The following ZNF608 variants were observed in gnomAD, a reference collection of about 807,000 sequenced individuals.
ZNF608 encodes the protein zinc finger protein 608, also known as renal carcinoma antigen NY-REN-36.
ZNF608 carries 12 observed loss-of-function variants against 109.0 expected under a neutral mutation model. That is an observed-to-expected ratio of 0.11 (90% CI 0.07 to 0.18). The LOEUF is 0.18. Ranked by LOEUF, ZNF608 falls within the 10% of genes least tolerant of loss-of-function variation. ZNF608 has a pLI of 1.00. For synonymous variants in ZNF608, 732 were observed against 717.4 expected (o/e 1.02, Z -0.33); for missense variants, 1,707 against 1,879.3 (o/e 0.91, Z 1.70).
chr5:124,655,714 T>C (rs1339580237), intron 3 of ZNF608, among the ~76,000 whole-genome samples: 2 of 152,210 alleles, frequency 1.3e-5, no homozygotes, highest in African/African-American at 2.4e-5. Flanking sequence ...CAAGGTATGA[T>C]TTATCACCAT....
At position 124,641,227 on chromosome 5, in the gene ZNF608, A is replaced by G. The variant is rs1750219997; in HGVS notation, c.4450+25T>C. 4 of 1,613,150 alleles carry G rather than the reference A, an allele frequency of 2.5e-6. No individual in the cohort carries two copies. The East Asian group carries it at 6.7e-5, about 27-fold the overall frequency. On this transcript the variant is annotated intron_variant, in intron 8 of 9. Coordinates refer to ENST00000513986, the MANE Select transcript of ZNF608 (RefSeq NM_020747.3). ...GTTTTCCAAAGCAGAATGGACAAAGACACAGTAATGATAGAGCTGCTGACC... is the reference window on the plus strand; with the variant it reads ...GTTTTCCAAAGCAGAATGGACAAAGGCACAGTAATGATAGAGCTGCTGACC...
intron 3 of ZNF608, among the ~76,000 whole-genome samples, chr5:124,664,914 ACCTGTAATC>A (rs957421876): frequency 1.3e-5 from 2 of 152,076 alleles, no homozygotes; most frequent in Admixed American, 6.6e-5. Context: ...AGTGGCTCAC[ACCTGTAATC>A]CCAGCACTTT....
intron 3 of ZNF608, among the ~76,000 whole-genome samples, chr5:124,651,930 A>C (rs1358841617): frequency 1.3e-5 from 2 of 152,228 alleles, no homozygotes; most frequent in Non-Finnish European, 2.9e-5. Context: ...ACACAGGCTC[A>C]TTCGCACTAA....
intron 7 of ZNF608, 89 bp from the exon 8 acceptor site, chr5:124,641,494 T>C: frequency 2.3e-6 from 3 of 1,326,038 alleles, no homozygotes; most frequent in Non-Finnish European, 3.0e-6. Context: ...TCGACAATAT[T>C]GTGTTAATGA....
Position 124,646,949 on chromosome 5 carries a change from C to G in ZNF608, c.3435G>C (p.Gln1145His). The G allele has an allele frequency of 6.2e-7, 1 of 1,613,968 alleles. No individual in the cohort carries two copies. The highest frequency in any genetic ancestry group is 8.5e-7 in the Non-Finnish European group (1 of 1,179,974). ...AGATTGTGGCCGATGGCATATTTTT[C>G]TGTTTAGTTTCCTCCTTGCCCAGCT... ...LKELGKEETK[Q>H]KNMPSATISK... Residue 1145 changes from glutamine (Q) to histidine (H), a missense_variant, in exon 5 of 10, where the codon CAG (glutamine) becomes CAC (histidine). Gln to His is a conservative substitution (Grantham distance 24, BLOSUM62 0). Coordinates refer to ENST00000513986, the MANE Select transcript of ZNF608 (RefSeq NM_020747.3).
At chr5:124,676,489 G>A (rs1751951219) in intron 3 of ZNF608, among the ~76,000 whole-genome samples, 1 of 152,062 alleles carries the variant, frequency 6.6e-6, no homozygotes, top group African/African-American at 2.4e-5. Flanking sequence ...TGTAAATATG[G>A]AACTTTCTTT....
At chr5:124,737,436 CAGA>C (rs1178860314) in intron 2 of ZNF608, among the ~76,000 whole-genome samples, 1 of 152,208 alleles carries the variant, frequency 6.6e-6, no homozygotes, top group Admixed American at 6.5e-5. Flanking sequence ...GAAAAATCCA[CAGA>C]AGTATTTGTT....
intron 2 of ZNF608, among the ~76,000 whole-genome samples, chr5:124,720,709 G>A (rs373369437): frequency 5.9e-5 from 9 of 152,192 alleles, no homozygotes; most frequent in Middle Eastern, 3.4e-3. Flanking sequence ...AGAATGGGCC[G>A]CACTTCATGT....
intron 2 of ZNF608, among the ~76,000 whole-genome samples, chr5:124,727,427 T>C (rs1748660372): frequency 6.6e-6 from 1 of 152,202 alleles, no homozygotes; most frequent in Admixed American, 6.5e-5. Flanking sequence ...CTACTTCTAT[T>C]ATTTCTCTTT....
intron 2 of ZNF608, chr5:124,710,651 T>G (rs1753452733): frequency 6.5e-6 from 1 of 153,576 alleles, no homozygotes; most frequent in Non-Finnish European, 1.5e-5. Context: ...GCTTCTTATG[T>G]ATGTCTCCTG....
intron 2 of ZNF608, among the ~76,000 whole-genome samples, chr5:124,724,880 G>A (rs1001541576): frequency 6.6e-6 from 1 of 152,082 alleles, no homozygotes; most frequent in East Asian, 1.9e-4. Flanking sequence ...ACTGAGATAC[G>A]TTTAGAACTT....
chr5:124,657,888 T>C (rs1217979230), intron 3 of ZNF608, among the ~76,000 whole-genome samples: 2 of 152,196 alleles, frequency 1.3e-5, no homozygotes, highest in Non-Finnish European at 2.9e-5. Flanking sequence ...AGAAAGTAAT[T>C]TTTAATCAGG....
rs373865296 is a variant in ZNF608 at position 124,648,228 on chromosome 5, T to A, written c.2156A>T (p.Lys719Ile). 3.1e-6 allele frequency: 5 copies of A among 1,614,060 alleles called. No homozygotes were observed. Among genetic ancestry groups the A allele is most frequent in the Non-Finnish European group, 4.2e-6 (5 of 1,180,040 alleles). Residue 719 changes from lysine (K) to isoleucine (I), a missense_variant, in exon 5 of 10, where the codon AAA becomes ATA. Lys to Ile is a moderately radical substitution (Grantham distance 102, BLOSUM62 -3). Around this residue, in one of 7 missense-constraint regions of ZNF608, gnomAD observed 1,073 missense variants for 1,133.5 expected, o/e 0.95. Transcript: ENST00000513986. ...TTTGTCCGTTTTGCAGTTGGTAGCT[T>A]TTTTGCCCTTTTCTTTATCTCCTAA... ...KNLGDKEKGK[K>I]ATNCKTDKNL... is the part of the protein sequence containing the mutation.
intron 3 of ZNF608, among the ~76,000 whole-genome samples, chr5:124,653,938 C>A (rs907385893): frequency 6.6e-6 from 1 of 152,094 alleles, no homozygotes; most frequent in Non-Finnish European, 1.5e-5. Context: ...TGTGTGTGTC[C>A]TTTTTCTCTC....
chr5:124,690,024 A>C (rs1241326847), intron 3 of ZNF608, among the ~76,000 whole-genome samples: 1 of 150,954 alleles, frequency 6.6e-6, no homozygotes, highest in Non-Finnish European at 1.5e-5. Flanking sequence ...ATCCAGACTC[A>C]ATGAAATAAT....
rs867756548 is a variant in ZNF608 at position 124,637,054 on chromosome 5, A to G, written c.*846T>C. 2.6e-5 allele frequency: 4 copies of G among 152,104 alleles called. No homozygotes were observed. The highest frequency in any genetic ancestry group is 5.9e-5 in the Non-Finnish European group (4 of 67,962). 9.4% of individuals were successfully genotyped at this position (152,104 alleles called of 1,614,324 possible). A position where few individuals can be genotyped will look rare whatever the true frequency, so the allele number is the denominator to read the frequency against. On this transcript the variant is annotated 3_prime_UTR_variant, in exon 10 of 10. Transcript: ENST00000513986. ...AAACAAGTAACCAGGCAATGGCGTT[A>G]AAGTCTCTCTCTTCTAAAACTGGAT...
Position 124,649,134 on chromosome 5 carries a change from C to A in ZNF608, c.1251-1G>T. 6.5e-7 allele frequency: 1 copy of A among 1,549,378 alleles called. No homozygotes were observed. Among genetic ancestry groups the A allele is most frequent in the Non-Finnish European group, 8.7e-7 (1 of 1,153,306 alleles). ...GTCACTTGTCGGTGACTCACAAAAC[C>A]TATGGAAGCAAGTAACAGATGTGAA... On this transcript the variant is annotated splice_acceptor_variant, in intron 4 of 9. Transcript: ENST00000513986. LOFTEE classifies it high-confidence loss of function.
At chr5:124,683,309 A>C (rs1163398657) in intron 3 of ZNF608, among the ~76,000 whole-genome samples, 1 of 152,194 alleles carries the variant, frequency 6.6e-6, no homozygotes, top group African/African-American at 2.4e-5. Context: ...GACCCATGGA[A>C]ACTGTGGGAT....
At position 124,637,899 on chromosome 5, in the gene ZNF608, G is replaced by A; in HGVS notation, c.*1C>T. On this transcript the variant is annotated 3_prime_UTR_variant, in exon 10 of 10. Transcript: ENST00000513986. ...CATGACAATGTACATGTCCAATCTT[G>A]TTATTCTCTGCAAAAGAAAAGCAAA... 1 of 1,611,584 alleles carries A rather than the reference G, an allele frequency of 6.2e-7. No homozygotes were observed. Among genetic ancestry groups the A allele is most frequent in the Non-Finnish European group, 8.5e-7 (1 of 1,178,944 alleles).
Sources: allele counts gnomAD v4.1 joint callset (sites outside exome capture counted in the v4.1 genomes callset), GRCh38; gene constraint gnomAD v4.1.1; regional missense constraint gnomAD v4.1.1; transcripts MANE v1.5; gene names NCBI Gene and HGNC (gene_info 2026-07-23, HGNC 2026-07-21).